PDE3B: variants seen among roughly 807,000 people sequenced by gnomAD.
The protein encoded by PDE3B is cGMP-inhibited 3',5'-cyclic phosphodiesterase 3B.
PDE3B carries 66 observed loss-of-function variants against 116.8 expected under a neutral mutation model. The ratio of observed to expected loss-of-function variants is 0.56; its 90% CI spans 0.46 to 0.69. PDE3B has a LOEUF of 0.69. Ranked by LOEUF, PDE3B falls within the 30% of genes least tolerant of loss-of-function variation. PDE3B has a pLI of 0.00. For missense variants in PDE3B, 1,384 were observed against 1,368.1 expected, an observed-to-expected ratio of 1.01 and a Z score of -0.18; for synonymous variants, 595 against 533.6, an observed-to-expected ratio of 1.12 and a Z score of -1.59.
intron 1 of PDE3B, among the ~76,000 whole-genome samples, chr11:14,681,674 G>A (rs930694389): frequency 1.3e-4 from 20 of 152,270 alleles, no homozygotes; most frequent in African/African-American, 4.6e-4. Flanking sequence ...GTTGTAAATG[G>A]TATTTAACAA....
At chr11:14,713,963 T>C (rs896201767) in intron 1 of PDE3B, among the ~76,000 whole-genome samples, 1 of 152,206 alleles carries the variant, frequency 6.6e-6, no homozygotes, top group Non-Finnish European at 1.5e-5. Flanking sequence ...TCTACTGTTT[T>C]TTTGCATTTC....
chr11:14,877,885 C>A, the PDE3B span: 1 of 497,930 alleles, frequency 2.0e-6, no homozygotes, highest in Non-Finnish European at 3.5e-6. Context: ...AAGCAACACC[C>A]ATCATTTGCA....
intron 2 of PDE3B, among the ~76,000 whole-genome samples, chr11:14,784,126 C>A (rs1251149187): frequency 6.6e-6 from 1 of 152,168 alleles, no homozygotes; most frequent in Non-Finnish European, 1.5e-5. Flanking sequence ...TCTCCTCGCA[C>A]CCCTACCCAG....
intron 1 of PDE3B, among the ~76,000 whole-genome samples, chr11:14,654,853 A>G (rs1853665448): frequency 6.6e-6 from 1 of 151,650 alleles, no homozygotes; most frequent in Admixed American, 6.6e-5. Context: ...AACTGCTGAA[A>G]GAGTAGATAT....
intron 1 of PDE3B, among the ~76,000 whole-genome samples, chr11:14,646,488 G>C (rs1202770740): frequency 6.6e-6 from 1 of 152,146 alleles, no homozygotes; most frequent in East Asian, 1.9e-4. Flanking sequence ...TGTGTGTCGG[G>C]AGAAAAATTG....
chr11:14,804,414 T>C (rs1166305400), intron 5 of PDE3B, among the ~76,000 whole-genome samples: 2 of 151,918 alleles, frequency 1.3e-5, no homozygotes, highest in African/African-American at 2.4e-5. Flanking sequence ...AGGATTAGAA[T>C]AGAAAAAACC....
rs143159167 is a variant in PDE3B, at chr11:14,714,344, C to T, written c.979-57593C>T. 3.3e-5 allele frequency among the ~76,000 whole-genome samples: 5 copies of T among 151,870 alleles called. No individual in the cohort carries two copies. In the East Asian group the frequency reaches 9.7e-4, roughly 29 times the overall value. On this transcript the variant is annotated intron_variant, in intron 1 of 15. Coordinates refer to ENST00000282096, the MANE Select transcript of PDE3B (RefSeq NM_000922.4). Reference sequence around the variant, plus strand: ...TTAGCTTGCTTTTCTCTTAGTGGACCTAAGTTATGAAATAGCAAAGGTTTA... The same window carrying T: ...TTAGCTTGCTTTTCTCTTAGTGGACTTAAGTTATGAAATAGCAAAGGTTTA...
intron 4 of PDE3B, among the ~76,000 whole-genome samples, chr11:14,801,585 TG>T (rs1858766980): frequency 6.6e-6 from 1 of 152,040 alleles, no homozygotes; most frequent in African/African-American, 2.4e-5. Flanking sequence ...TACTGGGAGG[TG>T]TCTTCCAGTC....
At chr11:14,752,082 C>T (rs1161988745) in intron 1 of PDE3B, among the ~76,000 whole-genome samples, 3 of 152,178 alleles carry the variant, frequency 2.0e-5, no homozygotes, top group African/African-American at 7.2e-5. Flanking sequence ...TTGCTACACT[C>T]ATCTTCTGTA....
At chr11:14,858,178 C>T (rs563376103) in intron 12 of PDE3B, among the ~76,000 whole-genome samples, 8 of 152,206 alleles carry the variant, frequency 5.3e-5, no homozygotes, top group East Asian at 1.9e-4. Flanking sequence ...GATCTCATTC[C>T]GTCCTTCTTT....
At chr11:14,657,248 C>T (rs930355090) in intron 1 of PDE3B, among the ~76,000 whole-genome samples, 5 of 152,110 alleles carry the variant, frequency 3.3e-5, no homozygotes, top group African/African-American at 1.2e-4. Flanking sequence ...GTCTGTTAAG[C>T]ATGTTGATAA....
chr11:14,888,559 C>T, the PDE3B span, among the ~76,000 whole-genome samples: 1 of 152,176 alleles, frequency 6.6e-6, no homozygotes. Context: ...GACCATCCTC[C>T]ATGATGCCTT....
chr11:14,834,459 A>G lies in PDE3B; in HGVS notation c.2207-523A>G, dbSNP rs767170608. On this transcript the variant is annotated intron_variant, in intron 10 of 15. Transcript: ENST00000282096. Reference sequence around the variant, plus strand: ...ACACTATGCCACATTGCCTTTTCACATAGTTGAATTTCAGGAAATAGATGT... The same window carrying G: ...ACACTATGCCACATTGCCTTTTCACGTAGTTGAATTTCAGGAAATAGATGT... 9.0e-4 allele frequency among the ~76,000 whole-genome samples: 137 copies of G among 152,294 alleles called. 1 individual carries two copies. The highest frequency in any genetic ancestry group is 1.8e-3 in the Admixed American group (28 of 15,294).
At chr11:14,715,689 C>T (rs1478325883) in intron 1 of PDE3B, among the ~76,000 whole-genome samples, 1 of 152,184 alleles carries the variant, frequency 6.6e-6, no homozygotes, top group African/African-American at 2.4e-5. Context: ...AATATACAAT[C>T]ATGTTATCTG....
intron 1 of PDE3B, among the ~76,000 whole-genome samples, chr11:14,770,928 C>T (rs574916121): frequency 2.6e-5 from 4 of 151,538 alleles, no homozygotes; most frequent in Non-Finnish European, 5.9e-5. Flanking sequence ...TTTGTATCAC[C>T]TTTGAGCTAA....
At chr11:14,682,041 G>A (rs1021079105) in intron 1 of PDE3B, among the ~76,000 whole-genome samples, 3 of 152,120 alleles carry the variant, frequency 2.0e-5, no homozygotes, top group Non-Finnish European at 2.9e-5. Context: ...GTAAGCTAGA[G>A]AAAAGAAAAT....
At chr11:14,843,438 G>A (rs1847517639) in intron 11 of PDE3B, among the ~76,000 whole-genome samples, 1 of 152,054 alleles carries the variant, frequency 6.6e-6, no homozygotes, top group African/African-American at 2.4e-5. Flanking sequence ...TCTTTGTAAT[G>A]TTTTCATCAA....
intron 12 of PDE3B, among the ~76,000 whole-genome samples, chr11:14,857,027 G>A (rs921604465): frequency 2.6e-5 from 4 of 151,974 alleles, no homozygotes; most frequent in Non-Finnish European, 5.9e-5. Context: ...TTCTCTTTTT[G>A]TTCTTATTTA....
At chr11:14,832,136 C>G (rs1859904779) in intron 9 of PDE3B, among the ~76,000 whole-genome samples, 2 of 152,026 alleles carry the variant, frequency 1.3e-5, no homozygotes, top group African/African-American at 4.8e-5. Flanking sequence ...CTATACTTTA[C>G]CCAAGGCCGG....
Sources: allele counts gnomAD v4.1 joint callset (sites outside exome capture counted in the v4.1 genomes callset), GRCh38; gene constraint gnomAD v4.1.1; transcripts MANE v1.5; gene names NCBI Gene and HGNC (gene_info 2026-07-23, HGNC 2026-07-21).